The following ZFHX3 variants were observed in gnomAD, a reference collection of about 807,000 sequenced individuals.
ZFHX3 encodes zinc finger homeobox 3.
In ZFHX3, 42 loss-of-function variants were observed where a neutral mutation model predicts 279.1. The observed-to-expected ratio is 0.15, with a 90% CI of 0.12 to 0.19. The LOEUF is 0.19. ZFHX3 is among the 10% of genes least tolerant of loss of function. ZFHX3 has a pLI of 1.00. For missense variants in ZFHX3, 4,981 were observed against 4,754.0 expected (o/e 1.05, Z -1.40); for synonymous variants, 2,293 against 1,957.8 (o/e 1.17, Z -4.52).
chr16:72,843,374 G>A (rs910217958), intron 4 of ZFHX3, among the ~76,000 whole-genome samples: 3 of 151,986 alleles, frequency 2.0e-5, no homozygotes, highest in Admixed American at 6.5e-5. Flanking sequence ...AGCCGGGCGT[G>A]GTGGCGGGCG....
At chr16:73,779,774 A>G (rs1232842600) in intron 1 of ZFHX3, among the ~76,000 whole-genome samples, 1 of 152,076 alleles carries the variant, frequency 6.6e-6, no homozygotes, top group Non-Finnish European at 1.5e-5. Context: ...TTGGAGGGCA[A>G]TAGCGCAATC....
At chr16:73,644,646 G>A (rs766289062) in intron 2 of ZFHX3, among the ~76,000 whole-genome samples, 1 of 151,474 alleles carries the variant, frequency 6.6e-6, no homozygotes, top group Non-Finnish European at 1.5e-5. Context: ...GGGCGACAGA[G>A]CGAGACTCTT....
At chr16:72,879,364 C>T (rs1701321968) in intron 4 of ZFHX3, among the ~76,000 whole-genome samples, 1 of 152,172 alleles carries the variant, frequency 6.6e-6, no homozygotes, top group African/African-American at 2.4e-5. Flanking sequence ...AAACACCACA[C>T]ACAAGCCCAG....
chr16:73,171,878 A>C (rs567187675), intron 5 of ZFHX3, among the ~76,000 whole-genome samples: 3 of 152,256 alleles, frequency 2.0e-5, no homozygotes, highest in African/African-American at 7.2e-5. Flanking sequence ...AGAAATACTA[A>C]ATGCTTGAGA....
chr16:73,858,379 T>C (rs1244003163), intron 1 of ZFHX3, among the ~76,000 whole-genome samples: 1 of 152,208 alleles, frequency 6.6e-6, no homozygotes, highest in Admixed American at 6.5e-5. Context: ...TGATACAGTC[T>C]TAGATGCTCT....
chr16:73,011,245 AT>A (rs1963906750), intron 1 of ZFHX3, among the ~76,000 whole-genome samples: 1 of 151,670 alleles, frequency 6.6e-6, no homozygotes, highest in East Asian at 1.9e-4. Context: ...CAGCCTCCCA[AT>A]GTGCTGGGAT....
intron 5 of ZFHX3, among the ~76,000 whole-genome samples, chr16:73,182,643 T>C (rs1967822972): frequency 6.6e-6 from 1 of 152,142 alleles, no homozygotes; most frequent in Non-Finnish European, 1.5e-5. Context: ...TCAACTTAAG[T>C]GTTATCCAAT....
At chr16:73,039,117 T>TAA (rs11343058) in intron 1 of ZFHX3, among the ~76,000 whole-genome samples, 3 of 133,798 alleles carry the variant, frequency 2.2e-5, no homozygotes, top group African/African-American at 8.3e-5. Context: ...CCTAGCTAAT[T>TAA]AAAAAAAAAA....
intron 3 of ZFHX3, among the ~76,000 whole-genome samples, chr16:73,404,367 C>A (rs1362129635): frequency 6.6e-6 from 1 of 152,212 alleles, no homozygotes; most frequent in Non-Finnish European, 1.5e-5. Flanking sequence ...AAGTGACCAT[C>A]TTTGAGTGCT....
chr16:73,373,480 C>A (rs2016668232), intron 3 of ZFHX3, among the ~76,000 whole-genome samples: 1 of 152,128 alleles, frequency 6.6e-6, no homozygotes, highest in South Asian at 2.1e-4. Context: ...GGGGTGACCC[C>A]AAAGAGTCTT....
chr16:73,562,808 A>T (rs564071713), intron 2 of ZFHX3, among the ~76,000 whole-genome samples: 6 of 152,178 alleles, frequency 3.9e-5, no homozygotes, highest in Non-Finnish European at 8.8e-5. Context: ...TTTCTATGAA[A>T]CTGGTCCTAT....
intron 4 of ZFHX3, among the ~76,000 whole-genome samples, chr16:73,291,382 CT>C (rs1835812300): frequency 3.3e-5 from 5 of 152,168 alleles, no homozygotes; most frequent in Admixed American, 3.3e-4. Context: ...TTTCCAGGTT[CT>C]TGAACATTTT....
intron 3 of ZFHX3, among the ~76,000 whole-genome samples, chr16:72,894,320 T>C (rs1263170180): frequency 6.6e-6 from 1 of 152,180 alleles, no homozygotes; most frequent in Non-Finnish European, 1.5e-5. Context: ...TCTTAAGTTG[T>C]CCAACTGGAA....
intron 3 of ZFHX3, among the ~76,000 whole-genome samples, chr16:72,920,226 C>T (rs2039549668): frequency 6.6e-6 from 1 of 152,124 alleles, no homozygotes; most frequent in Admixed American, 6.5e-5. Context: ...AGAAGAGCAT[C>T]TCATACATAT....
chr16:73,011,371 A>C (rs1963912730), intron 1 of ZFHX3, among the ~76,000 whole-genome samples: 1 of 151,898 alleles, frequency 6.6e-6, no homozygotes, highest in Admixed American at 6.6e-5. Flanking sequence ...GCCTCAAGCA[A>C]TCTTCCTACC....
At chr16:73,101,280 TG>T (rs1966227711) in intron 7 of ZFHX3, among the ~76,000 whole-genome samples, 1 of 152,230 alleles carries the variant, frequency 6.6e-6, no homozygotes, top group African/African-American at 2.4e-5. Flanking sequence ...CAAGATCTCC[TG>T]AATCAGAATT....
At chr16:73,177,903 G>A (rs539607992) in intron 5 of ZFHX3, among the ~76,000 whole-genome samples, 1 of 152,298 alleles carries the variant, frequency 6.6e-6, no homozygotes, top group South Asian at 2.1e-4. Flanking sequence ...AGGCGCGGTA[G>A]GGAAAGAGCT....
intron 5 of ZFHX3, among the ~76,000 whole-genome samples, chr16:73,228,275 T>C (rs1262494730): frequency 6.6e-6 from 1 of 152,232 alleles, no homozygotes; most frequent in Non-Finnish European, 1.5e-5. Flanking sequence ...TTGTATTTTA[T>C]GACTGTAGTG....
At chr16:73,863,871 G>A (rs1961945347) in intron 1 of ZFHX3, among the ~76,000 whole-genome samples, 1 of 152,130 alleles carries the variant, frequency 6.6e-6, no homozygotes. Flanking sequence ...TTTTTTACTA[G>A]TTACTGAATT....
Sources: gnomAD v4.1 joint callset for allele counts (sites outside exome capture counted in the v4.1 genomes callset) on GRCh38, gnomAD v4.1.1 for gene constraint, MANE v1.5 for transcripts, NCBI Gene and HGNC (gene_info 2026-07-23, HGNC 2026-07-21) for gene names.